Variants in KSR2 observed in about 807,000 individuals in gnomAD.
KSR2 encodes kinase suppressor of ras 2.
Under a neutral mutation model 107.8 loss-of-function variants are expected in KSR2, and 25 were observed. The observed-to-expected ratio is 0.23, with a 90% CI of 0.17 to 0.32. The LOEUF (loss-of-function observed/expected upper bound fraction) is 0.32. Among genes scored for constraint, KSR2 ranks in the 10% least tolerant of loss-of-function variants. The pLI is 1.00. For missense variants in KSR2, 887 were observed against 1,268.9 expected (o/e 0.70, Z 4.57); for synonymous variants, 480 against 507.0 (o/e 0.95, Z 0.71).
At chr12:117,511,566 C>G (rs2137199272) in intron 14 of KSR2, among the ~76,000 whole-genome samples, 1 of 152,326 alleles carries the variant, frequency 6.6e-6, no homozygotes, top group East Asian at 1.9e-4. Flanking sequence ...CCTTACCTCT[C>G]TAATCCCCAG....
chr12:117,611,103 TTTG>T (rs1471828569), intron 5 of KSR2, among the ~76,000 whole-genome samples: 1 of 152,164 alleles, frequency 6.6e-6, no homozygotes, highest in East Asian at 1.9e-4. Flanking sequence ...GCTAAAAAAA[TTTG>T]TTGTCTATAA....
chr12:117,835,029 C>A (rs1892141857), intron 3 of KSR2, among the ~76,000 whole-genome samples: 1 of 152,138 alleles, frequency 6.6e-6, no homozygotes, highest in Non-Finnish European at 1.5e-5. Flanking sequence ...AAAATCGAAC[C>A]CGAGACACAG....
chr12:117,563,765 G>T (rs1450949438), intron 7 of KSR2, among the ~76,000 whole-genome samples: 1 of 152,046 alleles, frequency 6.6e-6, no homozygotes, highest in Non-Finnish European at 1.5e-5. Flanking sequence ...GTTGGTTGAT[G>T]GATATTCCAG....
chr12:117,514,313 C>A (rs1166149768), intron 14 of KSR2, among the ~76,000 whole-genome samples: 1 of 152,214 alleles, frequency 6.6e-6, no homozygotes, highest in Non-Finnish European at 1.5e-5. Context: ...CAACACTAAC[C>A]GTCCACACCA....
intron 1 of KSR2, among the ~76,000 whole-genome samples, chr12:117,866,790 T>C (rs1216710738): frequency 1.3e-5 from 2 of 151,874 alleles, no homozygotes; most frequent in Non-Finnish European, 2.9e-5. Context: ...GATCATGCCA[T>C]TGCAGTCCAG....
chr12:117,676,120 C>G (rs543049981), intron 4 of KSR2, among the ~76,000 whole-genome samples: 1 of 152,176 alleles, frequency 6.6e-6, no homozygotes, highest in Non-Finnish European at 1.5e-5. Flanking sequence ...CTGCTCAGAG[C>G]CCAGGAAAGG....
chr12:117,726,129 C>T (rs199579377), intron 4 of KSR2, among the ~76,000 whole-genome samples: 2 of 152,088 alleles, frequency 1.3e-5, no homozygotes, highest in East Asian at 3.9e-4. Flanking sequence ...GATAGCATCA[C>T]TGCACTCCAG....
chr12:117,936,511 T>TTTATTATTA (rs145675167), intron 1 of KSR2, among the ~76,000 whole-genome samples: 3 of 139,826 alleles, frequency 2.1e-5, no homozygotes, highest in South Asian at 5.0e-4. Context: ...TTATTATTAT[T>TTTATTATTA]TTATTATTAT....
chr12:117,678,630 G>A (rs1885239896), intron 4 of KSR2, among the ~76,000 whole-genome samples: 1 of 152,178 alleles, frequency 6.6e-6, no homozygotes, highest in African/African-American at 2.4e-5. Flanking sequence ...ATCTGGCCTG[G>A]GAGGAATATG....
chr12:117,794,848 A>ATCCCT (rs112239308), intron 3 of KSR2, among the ~76,000 whole-genome samples: 2 of 151,432 alleles, frequency 1.3e-5, no homozygotes, highest in African/African-American at 2.4e-5. Flanking sequence ...CCTCGCTACG[A>ATCCCT]CCCATCACTC....
At chr12:117,911,758 T>C (rs921667228) in intron 1 of KSR2, among the ~76,000 whole-genome samples, 1 of 152,204 alleles carries the variant, frequency 6.6e-6, no homozygotes, top group African/African-American at 2.4e-5. Flanking sequence ...TAAATGACAG[T>C]GTTGACCAAA....
chr12:117,902,593 T>C (rs972800978), intron 1 of KSR2, among the ~76,000 whole-genome samples: 1 of 151,598 alleles, frequency 6.6e-6, no homozygotes, highest in African/African-American at 2.4e-5. Flanking sequence ...AAGATGTCTC[T>C]GAGGGTTCAG....
chr12:117,562,834 G>A (rs1386641635), intron 7 of KSR2, among the ~76,000 whole-genome samples: 2 of 152,074 alleles, frequency 1.3e-5, no homozygotes, highest in African/African-American at 2.4e-5. Context: ...CATTAGCAGT[G>A]GAAACACAGC....
At chr12:117,533,448 A>T (rs146419228) in intron 10 of KSR2, among the ~76,000 whole-genome samples, 229 of 152,328 alleles carry the variant, frequency 1.5e-3, no homozygotes, top group Non-Finnish European at 2.5e-3. Context: ...CCAATTCCAG[A>T]TTATATCAAA....
rs767111990 is a variant in KSR2, at chr12:117,472,697, C to T, written c.2583-1377G>A. 5.3e-5 allele frequency among the ~76,000 whole-genome samples: 8 copies of T among 152,062 alleles called. 1 individual carries two copies. Among genetic ancestry groups the T allele is most frequent in the South Asian group, 2.1e-4 (1 of 4,810 alleles). On this transcript the variant is annotated intron_variant, in intron 17 of 19. Coordinates refer to ENST00000339824, the MANE Select transcript of KSR2 (RefSeq NM_173598.6). ...GAAGGGGTGGTGATGCTCAGGTGTT[C>T]GGATGTCAAGTTAGATGATCAGAAA...
chr12:117,475,456 T>G (rs2137122079), intron 17 of KSR2, among the ~76,000 whole-genome samples: 1 of 152,318 alleles, frequency 6.6e-6, no homozygotes, highest in African/African-American at 2.4e-5. Context: ...GCACAGTCTT[T>G]TGATCTGGAA....
At chr12:117,573,322 T>C (rs2136220730) in intron 7 of KSR2, among the ~76,000 whole-genome samples, 1 of 152,260 alleles carries the variant, frequency 6.6e-6, no homozygotes. Flanking sequence ...GGTACAAGGA[T>C]GAACATGTCA....
rs761063521 is a variant in KSR2, at chr12:117,968,891, C to CGCTGCT, written c.-642_-637dup. 4.4e-5 allele frequency: 11 copies of CGCTGCT among 247,572 alleles called. 1 individual carries two copies. Among genetic ancestry groups the CGCTGCT allele is most frequent in the East Asian group, 1.6e-4 (1 of 6,202 alleles). The allele number at this position is 247,572 out of a possible 1,614,324, so 15.3% of individuals were successfully genotyped here. A position where few individuals can be genotyped will look rare whatever the true frequency, so the allele number is the denominator to read the frequency against. Reference sequence around the variant, plus strand: ...GCGGCTGGCTGCTGTCTCCTCCCCGCGCTGCTGCTGCTGCTGCTGCTGCCG... The same window carrying CGCTGCT: ...GCGGCTGGCTGCTGTCTCCTCCCCGCGCTGCTGCTGCTGCTGCTGCTGCTGCTGCCG... On this transcript the variant is annotated 5_prime_UTR_variant, in exon 1 of 20. Transcript: ENST00000339824.
At chr12:117,583,280 G>T (rs1260764266) in intron 5 of KSR2, among the ~76,000 whole-genome samples, 2 of 151,548 alleles carry the variant, frequency 1.3e-5, no homozygotes, top group East Asian at 2.0e-4. Flanking sequence ...TGGATAGGTG[G>T]GTGGGTAAGT....
Sources: gnomAD v4.1 joint callset for allele counts (sites outside exome capture counted in the v4.1 genomes callset) on GRCh38, gnomAD v4.1.1 for gene constraint, MANE v1.5 for transcripts, NCBI Gene and HGNC (gene_info 2026-07-23, HGNC 2026-07-21) for gene names.